Variants in DHX34 observed in about 807,000 individuals in gnomAD.
DHX34 encodes the protein DExH-box helicase 34, also known as probable ATP-dependent RNA helicase DHX34.
In DHX34, 96 loss-of-function variants were observed where a neutral mutation model predicts 111.1. That is an observed-to-expected ratio of 0.86 (90% CI 0.73 to 1.02). The LOEUF (loss-of-function observed/expected upper bound fraction) is 1.02. DHX34 is among the 50% of genes least tolerant of loss of function. The pLI is 0.00. For synonymous variants in DHX34, 688 were observed against 670.4 expected (o/e 1.03, Z -0.41); for missense variants, 1,560 against 1,579.9 (o/e 0.99, Z 0.21).
At chr19:47,351,416 A>G (rs780750936) in intron 1 of DHX34, among the ~76,000 whole-genome samples, 93 of 151,534 alleles carry the variant, frequency 6.1e-4, no homozygotes, top group Admixed American at 9.2e-4. Flanking sequence ...AAAGACTCCA[A>G]CTGTAAGCAA....
chr19:47,380,451 G>A (rs1486833469), intron 14 of DHX34, among the ~76,000 whole-genome samples: 1 of 151,978 alleles, frequency 6.6e-6, no homozygotes, highest in Admixed American at 6.6e-5. Flanking sequence ...GGAGTAGAAG[G>A]GCTTGAGGAC....
chr19:47,358,037 G>A lies in DHX34; in HGVS notation c.1189G>A (p.Ala397Thr), dbSNP rs1308146059. ...GGCGGAGATCAGCGCCGTGCTGGAG[G>A]CTGCCCAGACCTATGCCAGCCACAC... ...GMAEISAVLE[A>T]AQTYASHTQR... The change falls in exon 4 of 17, where the codon GCT becomes ACT. Residue 397 changes from alanine to threonine, a missense_variant. Ala to Thr is a moderately conservative substitution (Grantham distance 58, BLOSUM62 0). Transcript: ENST00000328771. 1 of 1,613,292 alleles carries A rather than the reference G, an allele frequency of 6.2e-7. No homozygotes were observed. Among genetic ancestry groups the A allele is most frequent in the East Asian group, 2.2e-5 (1 of 44,892 alleles).
chr19:47,371,233 T>A (rs368224780), intron 7 of DHX34, among the ~76,000 whole-genome samples: 1 of 152,166 alleles, frequency 6.6e-6, no homozygotes, highest in East Asian at 1.9e-4. Flanking sequence ...CTCACTCACA[T>A]TATCTCCCTG....
At position 47,372,896 on chromosome 19, in the gene DHX34, C is replaced by G. The variant is rs1229367737; in HGVS notation, c.1935C>G (p.Leu645=). 1 of 1,603,220 alleles carries G rather than the reference C, an allele frequency of 6.2e-7. No individual in the cohort carries two copies. Among genetic ancestry groups the G allele is most frequent in the South Asian group, 1.1e-5 (1 of 90,882 alleles). Residue 645 remains leucine, a synonymous_variant, in exon 8 of 17, where the codon CTC becomes CTG. Coordinates refer to ENST00000328771, the MANE Select transcript of DHX34 (RefSeq NM_014681.6). ...LESDQGDPFT[L]FNVFNAWVQV... ...GCGACCAGGGTGACCCCTTCACGCT[C>G]TTCAACGTCTTCAACGCCTGGGTGC...
chr19:47,373,946 G>A (rs557117172), intron 9 of DHX34, among the ~76,000 whole-genome samples: 49 of 152,248 alleles, frequency 3.2e-4, no homozygotes, highest in African/African-American at 1.1e-3. Context: ...GGAAGAGCTC[G>A]CCCTCCGGAC....
chr19:47,368,288 T>G (rs1969855071), intron 7 of DHX34, among the ~76,000 whole-genome samples: 1 of 144,612 alleles, frequency 6.9e-6, no homozygotes, highest in South Asian at 2.2e-4. Flanking sequence ...CATCATTCAT[T>G]CATTAAATCC....
chr19:47,350,859 A>G lies in DHX34; in HGVS notation c.-278+1507A>G, dbSNP rs116177146. ...CATAAGTGAAGAGAGATGCGAGCTG[A>G]CTAGGACAGGGAAGAGAGATGAGGG... is the stretch of plus-strand genomic sequence containing the variant. On this transcript the variant is annotated intron_variant, in intron 1 of 16. Transcript: ENST00000328771. 3.1e-3 allele frequency among the ~76,000 whole-genome samples: 474 copies of G among 152,248 alleles called. 4 individuals are homozygous for G. The highest frequency in any genetic ancestry group is 0.011 in the African/African-American group (454 of 41,542).
intron 2 of DHX34, among the ~76,000 whole-genome samples, chr19:47,354,761 C>T (rs1969398676): frequency 1.3e-5 from 2 of 152,216 alleles, no homozygotes; most frequent in Non-Finnish European, 2.9e-5. Flanking sequence ...GGTGATTCTC[C>T]TGCCTCAGCC....
At chr19:47,350,420 ATTT>A (rs113841688) in intron 1 of DHX34, among the ~76,000 whole-genome samples, 33 of 137,788 alleles carry the variant, frequency 2.4e-4, no homozygotes, top group Middle Eastern at 3.7e-3. Flanking sequence ...ACAAAAATGA[ATTT>A]TTTTTTTTTT....
At chr19:47,350,394 A>C (rs1478383717) in intron 1 of DHX34, among the ~76,000 whole-genome samples, 1 of 151,136 alleles carries the variant, frequency 6.6e-6, no homozygotes, top group Non-Finnish European at 1.5e-5. Flanking sequence ...ACAGAGTGAG[A>C]CCCTGTTTCA....
intron 7 of DHX34, among the ~76,000 whole-genome samples, chr19:47,368,659 CACATACACACACATATATAT>C (rs1419887262): frequency 3.5e-5 from 5 of 144,424 alleles, no homozygotes; most frequent in Non-Finnish European, 3.1e-5. Flanking sequence ...CACACACACA[CACATACACACACATATATAT>C]ACATACACAC....
intron 6 of DHX34, among the ~76,000 whole-genome samples, chr19:47,364,160 G>T (rs955882668): frequency 6.6e-6 from 1 of 152,120 alleles, no homozygotes; most frequent in Admixed American, 6.6e-5. Context: ...AGGGTCAAGG[G>T]CATGGGAAGT....
In DHX34 at chr19:47,382,191, G is replaced by A. The variant is rs981976061; in HGVS notation, c.*78G>A. 11 of 1,567,638 alleles carry A rather than the reference G, an allele frequency of 7.0e-6. No individual in the cohort carries two copies. The African/African-American group carries it at 1.5e-4, about 21-fold the overall frequency. ...AGGACTAGGGGCAGGACTCTTGCCT[G>A]AACCCCCAGCCTGGGCTTAGCCCTG... On this transcript the variant is annotated 3_prime_UTR_variant, in exon 17 of 17. Coordinates refer to ENST00000328771, the MANE Select transcript of DHX34 (RefSeq NM_014681.6).
intron 1 of DHX34, among the ~76,000 whole-genome samples, chr19:47,350,961 G>A (rs1016453539): frequency 1.3e-5 from 2 of 151,806 alleles, no homozygotes; most frequent in African/African-American, 2.4e-5. Context: ...GGACAGAGGG[G>A]GAAACAAACC....
chr19:47,360,139 G>A (rs921493861), intron 5 of DHX34, 69 bp downstream of exon 5: 12 of 1,470,368 alleles, frequency 8.2e-6, no homozygotes, highest in East Asian at 2.3e-5. Flanking sequence ...GGAGGTGTGC[G>A]TGTGTGGCAG....
In DHX34 at chr19:47,382,382, A is replaced by AG. The variant is rs1283340955; in HGVS notation, c.*273dup. On this transcript the variant is annotated 3_prime_UTR_variant, in exon 17 of 17. Transcript: ENST00000328771. ...TCTTCCTGCTGCAGGGTGCTGCCTG[A>AG]GGGGTCCTGGGTAGGAGGGGCGTTA... The AG allele has an allele frequency of 1.9e-6, 1 of 515,590 alleles. No individual in the cohort carries two copies. Among genetic ancestry groups the AG allele is most frequent in the Non-Finnish European group, 3.3e-6 (1 of 306,340 alleles). The allele number at this position is 515,590 out of a possible 1,614,324, so 31.9% of individuals were successfully genotyped here. A position where few individuals can be genotyped will look rare whatever the true frequency, so the allele number is the denominator to read the frequency against.
intron 1 of DHX34, among the ~76,000 whole-genome samples, chr19:47,350,535 C>T (rs754981274): frequency 2.6e-5 from 4 of 151,728 alleles, no homozygotes; most frequent in Non-Finnish European, 4.4e-5. Context: ...GAGTCTCCTG[C>T]CTCAGCCTCC....
intron 6 of DHX34, among the ~76,000 whole-genome samples, chr19:47,365,453 T>A (rs1470612005): frequency 6.6e-6 from 1 of 152,126 alleles, no homozygotes; most frequent in Non-Finnish European, 1.5e-5. Flanking sequence ...AGTTTCACCA[T>A]GTTGATCAGG....
intron 13 of DHX34, among the ~76,000 whole-genome samples, chr19:47,378,559 C>T (rs954493721): frequency 6.6e-6 from 1 of 152,160 alleles, no homozygotes; most frequent in African/African-American, 2.4e-5. Context: ...GAGAATCTGG[C>T]CAGCTCACAC....
Sources: gnomAD v4.1 joint callset for allele counts (sites outside exome capture counted in the v4.1 genomes callset) on GRCh38, gnomAD v4.1.1 for gene constraint, MANE v1.5 for transcripts, NCBI Gene and HGNC (gene_info 2026-07-23, HGNC 2026-07-21) for gene names.